Variants in THSD7B observed in about 807,000 individuals in gnomAD.
THSD7B encodes thrombospondin type-1 domain-containing protein 7B.
In THSD7B, 138 loss-of-function variants were observed where a neutral mutation model predicts 213.6. That is an observed-to-expected ratio of 0.65 (90% CI 0.56 to 0.74). The LOEUF (loss-of-function observed/expected upper bound fraction) is 0.74. Ranked by LOEUF, THSD7B falls within the 30% of genes least tolerant of loss-of-function variation. The probability of loss-of-function intolerance (pLI) is 0.00; values close to 1 mark genes in which losing one functional copy is unlikely to be tolerated. For synonymous variants in THSD7B, 742 were observed against 687.0 expected, an observed-to-expected ratio of 1.08 and a Z score of -1.25; for missense variants, 1,931 against 1,991.5, an observed-to-expected ratio of 0.97 and a Z score of 0.58.
At chr2:137,066,131 T>C (rs1176587103) in intron 3 of THSD7B, among the ~76,000 whole-genome samples, 3 of 151,818 alleles carry the variant, frequency 2.0e-5, no homozygotes, top group Non-Finnish European at 4.4e-5. Context: ...TCTTTATTTC[T>C]CCTTTATTTT....
At chr2:137,296,966 T>C (rs1400875383) in intron 12 of THSD7B, among the ~76,000 whole-genome samples, 1 of 152,072 alleles carries the variant, frequency 6.6e-6, no homozygotes, top group Non-Finnish European at 1.5e-5. Flanking sequence ...TTCAAATATG[T>C]GGTTCATATT....
chr2:136,799,594 A>G lies in THSD7B; in HGVS notation c.-36+33907A>G, dbSNP rs74536009. Among the ~76,000 whole-genome samples, 1,326 of 152,134 alleles carry G rather than the reference A, an allele frequency of 8.7e-3. 17 individuals are homozygous for G. The highest frequency in any genetic ancestry group is 0.03 in the African/African-American group (1,249 of 41,544). ...TTTTTTGAAGTCAATTTATAATTGC[A>G]AAGAATGTTTGACTACACATACACA... On this transcript the variant is annotated intron_variant, in intron 1 of 27. Coordinates refer to ENST00000409968, the MANE Select transcript of THSD7B (RefSeq NM_001316349.2).
chr2:137,403,698 G>C (rs1490750659), intron 12 of THSD7B, among the ~76,000 whole-genome samples: 2 of 152,232 alleles, frequency 1.3e-5, no homozygotes, highest in Non-Finnish European at 2.9e-5. Flanking sequence ...TGGAAGATCT[G>C]AAGTGGTACC....
At chr2:136,966,979 A>G (rs1158888808) in intron 2 of THSD7B, among the ~76,000 whole-genome samples, 1 of 152,036 alleles carries the variant, frequency 6.6e-6, no homozygotes, top group Non-Finnish European at 1.5e-5. Flanking sequence ...CAACTGACCT[A>G]GCCTTGACTT....
intron 14 of THSD7B, among the ~76,000 whole-genome samples, chr2:137,420,520 C>T (rs574674434): frequency 6.6e-6 from 1 of 152,110 alleles, no homozygotes; most frequent in Admixed American, 6.6e-5. Flanking sequence ...TATACATTCT[C>T]GGTCCTATAC....
At chr2:137,153,484 T>C (rs1679854612) in intron 5 of THSD7B, among the ~76,000 whole-genome samples, 1 of 152,188 alleles carries the variant, frequency 6.6e-6, no homozygotes, top group Non-Finnish European at 1.5e-5. Context: ...AGTCACAATA[T>C]GGCTAAAATT....
intron 15 of THSD7B, among the ~76,000 whole-genome samples, chr2:137,460,219 T>G (rs556037987): frequency 6.6e-6 from 1 of 152,248 alleles, no homozygotes; most frequent in African/African-American, 2.4e-5. Context: ...CTTTCCAAAT[T>G]GAACTTTTCT....
chr2:137,590,601 A>G (rs142175513), intron 17 of THSD7B, among the ~76,000 whole-genome samples: 7 of 152,194 alleles, frequency 4.6e-5, no homozygotes, highest in African/African-American at 1.7e-4. Context: ...TTTTCCAAGA[A>G]AAACAACTCA....
At chr2:137,061,993 A>G (rs952171632) in intron 3 of THSD7B, among the ~76,000 whole-genome samples, 1 of 151,796 alleles carries the variant, frequency 6.6e-6, no homozygotes, top group African/African-American at 2.4e-5. Context: ...TGATTTGGAA[A>G]GTTACTAAAT....
chr2:137,320,363 A>G (rs1306156682), intron 12 of THSD7B, among the ~76,000 whole-genome samples: 1 of 152,228 alleles, frequency 6.6e-6, no homozygotes, highest in Non-Finnish European at 1.5e-5. Flanking sequence ...TTATCCAGAA[A>G]AACAGTTTGC....
At chr2:137,441,931 C>G (rs1179534430) in intron 14 of THSD7B, among the ~76,000 whole-genome samples, 2 of 152,090 alleles carry the variant, frequency 1.3e-5, no homozygotes, top group Non-Finnish European at 2.9e-5. Flanking sequence ...TATTTCTACT[C>G]TGCTATATAG....
chr2:137,657,259 T>G, intron 24 of THSD7B, 99 bp downstream of exon 24: 1 of 1,114,582 alleles, frequency 9.0e-7, no homozygotes, highest in Non-Finnish European at 1.3e-6. Context: ...AAGGGGTGAC[T>G]TGGGCAGGTA....
chr2:136,934,562 ATTTGT>A (rs936031343), intron 2 of THSD7B, among the ~76,000 whole-genome samples: 5 of 152,164 alleles, frequency 3.3e-5, no homozygotes, highest in African/African-American at 1.2e-4. Context: ...CAGAAGTTAT[ATTTGT>A]TTTGTTTAGC....
At chr2:136,863,114 T>C (rs569378617) in intron 1 of THSD7B, among the ~76,000 whole-genome samples, 2 of 152,348 alleles carry the variant, frequency 1.3e-5, no homozygotes, top group South Asian at 2.1e-4. Context: ...GTCATTCTAA[T>C]AGTGCCTAGA....
intron 2 of THSD7B, among the ~76,000 whole-genome samples, chr2:136,910,016 TG>T (rs1684231788): frequency 6.6e-6 from 1 of 152,124 alleles, no homozygotes; most frequent in African/African-American, 2.4e-5. Flanking sequence ...GAGGCCCCTC[TG>T]GGGCCTGTGG....
At chr2:137,033,492 A>T (rs1162760623) in intron 2 of THSD7B, among the ~76,000 whole-genome samples, 1 of 152,180 alleles carries the variant, frequency 6.6e-6, no homozygotes, top group Non-Finnish European at 1.5e-5. Flanking sequence ...GTTTCAGGGG[A>T]TGGAGAAGTA....
chr2:137,552,120 T>A (rs1040350076), intron 15 of THSD7B, among the ~76,000 whole-genome samples: 4 of 152,200 alleles, frequency 2.6e-5, no homozygotes, highest in Admixed American at 6.5e-5. Flanking sequence ...TGAAAGGTAG[T>A]TTACTGAAAG....
At chr2:136,796,708 A>G (rs1422323434) in intron 1 of THSD7B, among the ~76,000 whole-genome samples, 2 of 151,862 alleles carry the variant, frequency 1.3e-5, no homozygotes, top group Non-Finnish European at 2.9e-5. Context: ...TAAAGTCAAT[A>G]TTTGTTTAGG....
chr2:137,520,386 A>ATAT (rs1195573725), intron 15 of THSD7B, among the ~76,000 whole-genome samples: 1 of 152,236 alleles, frequency 6.6e-6, no homozygotes, highest in South Asian at 2.1e-4. Context: ...AAACTAGGAT[A>ATAT]AGCACTCTGT....
Sources: gnomAD v4.1 joint callset for allele counts (sites outside exome capture counted in the v4.1 genomes callset) on GRCh38, gnomAD v4.1.1 for gene constraint, MANE v1.5 for transcripts, NCBI Gene and HGNC (gene_info 2026-07-23, HGNC 2026-07-21) for gene names.